The following STARD13 variants were observed in gnomAD, a reference collection of about 807,000 sequenced individuals.
The protein encoded by STARD13 is StAR related lipid transfer domain containing 13.
Under a neutral mutation model 106.4 loss-of-function variants are expected in STARD13, and 62 were observed. That is an observed-to-expected ratio of 0.58 (90% CI 0.48 to 0.72). The LOEUF is 0.72. Among genes scored for constraint, STARD13 ranks in the 30% least tolerant of loss-of-function variants. The probability of loss-of-function intolerance (pLI) is 0.00; values close to 1 mark genes in which losing one functional copy is unlikely to be tolerated. For synonymous variants in STARD13, 565 were observed against 553.0 expected, an observed-to-expected ratio of 1.02 and a Z score of -0.31; for missense variants, 1,387 against 1,424.0, an observed-to-expected ratio of 0.97 and a Z score of 0.42.
chr13:33,587,739 T>G, the STARD13 span, among the ~76,000 whole-genome samples: 1 of 152,338 alleles, frequency 6.6e-6, no homozygotes, highest in Admixed American at 6.5e-5. Context: ...TAAATTGTGC[T>G]TCCCAACAAG....
the STARD13 span, among the ~76,000 whole-genome samples, chr13:33,629,856 G>A: frequency 1.4e-4 from 21 of 152,076 alleles, no homozygotes; most frequent in Non-Finnish European, 2.9e-4. Context: ...CACTATCTCC[G>A]GTTGTAAATG....
At chr13:33,360,885 T>C in the STARD13 span, among the ~76,000 whole-genome samples, 1 of 145,646 alleles carries the variant, frequency 6.9e-6, no homozygotes, top group Non-Finnish European at 1.5e-5. Flanking sequence ...AAGCTCCGCC[T>C]CCCAGGTTCA....
chr13:33,294,496 C>T (rs972573305), intron 1 of STARD13, among the ~76,000 whole-genome samples: 21 of 152,294 alleles, frequency 1.4e-4, no homozygotes, highest in South Asian at 6.2e-4. Context: ...ATTTGCTCTT[C>T]GTGGACTCAA....
the STARD13 span, among the ~76,000 whole-genome samples, chr13:33,593,966 A>C: frequency 6.6e-6 from 1 of 151,816 alleles, no homozygotes; most frequent in African/African-American, 2.4e-5. Flanking sequence ...GAGTGCAGTG[A>C]CGCGATCTCG....
chr13:33,487,490 G>T, the STARD13 span, among the ~76,000 whole-genome samples: 1 of 152,076 alleles, frequency 6.6e-6, no homozygotes, highest in African/African-American at 2.4e-5. Context: ...AAAGAAAGGG[G>T]GAAAGTTCAG....
chr13:33,368,057 C>G, the STARD13 span, among the ~76,000 whole-genome samples: 1 of 152,050 alleles, frequency 6.6e-6, no homozygotes, highest in Non-Finnish European at 1.5e-5. Flanking sequence ...CTTATTACTG[C>G]TGTTTGATAC....
chr13:33,391,248 T>C, the STARD13 span, among the ~76,000 whole-genome samples: 2 of 152,172 alleles, frequency 1.3e-5, no homozygotes, highest in Admixed American at 1.3e-4. Flanking sequence ...GAGCCAACGA[T>C]ATTGACAATC....
At chr13:33,656,237 G>A in the STARD13 span, among the ~76,000 whole-genome samples, 1 of 152,138 alleles carries the variant, frequency 6.6e-6, no homozygotes, top group Non-Finnish European at 1.5e-5. Flanking sequence ...ATAGTCATTG[G>A]ACATAGTAGC....
At chr13:33,597,186 T>C in the STARD13 span, among the ~76,000 whole-genome samples, 1 of 152,216 alleles carries the variant, frequency 6.6e-6, no homozygotes, top group Admixed American at 6.5e-5. Flanking sequence ...CTCTGCATCC[T>C]TGTCAGCATT....
the STARD13 span, among the ~76,000 whole-genome samples, chr13:33,447,925 T>C: frequency 2.0e-5 from 3 of 152,176 alleles, no homozygotes; most frequent in Non-Finnish European, 4.4e-5. Flanking sequence ...AATTAACTGA[T>C]TGAGATAATA....
At chr13:33,270,957 C>T (rs934817353) in intron 1 of STARD13, among the ~76,000 whole-genome samples, 1 of 152,208 alleles carries the variant, frequency 6.6e-6, no homozygotes, top group African/African-American at 2.4e-5. Context: ...TCCCTGCACA[C>T]TCCCACAAGC....
the STARD13 span, among the ~76,000 whole-genome samples, chr13:33,370,430 G>A: frequency 6.6e-6 from 1 of 152,076 alleles, no homozygotes; most frequent in South Asian, 2.1e-4. Context: ...AGCTTCAGAA[G>A]AAGAAATACA....
chr13:33,462,926 G>A, the STARD13 span, among the ~76,000 whole-genome samples: 18 of 151,902 alleles, frequency 1.2e-4, no homozygotes, highest in Non-Finnish European at 2.4e-4. Context: ...AGTTGACACC[G>A]GATCACTCAA....
chr13:33,262,884 T>C (rs1291429870), intron 1 of STARD13, among the ~76,000 whole-genome samples: 1 of 152,082 alleles, frequency 6.6e-6, no homozygotes, highest in Non-Finnish European at 1.5e-5. Context: ...GTGTGGTGGA[T>C]GCCCAGAATT....
At chr13:33,490,150 TG>T in the STARD13 span, among the ~76,000 whole-genome samples, 109 of 152,178 alleles carry the variant, frequency 7.2e-4, no homozygotes, top group Non-Finnish European at 1.2e-3. Context: ...TTCAAAAATT[TG>T]TTTTTTTATG....
chr13:33,616,827 A>G, the STARD13 span, among the ~76,000 whole-genome samples: 5 of 152,254 alleles, frequency 3.3e-5, no homozygotes, highest in Non-Finnish European at 7.3e-5. Flanking sequence ...TTGAATCAGA[A>G]TCCATAACAA....
At chr13:33,537,462 CTTAT>C in the STARD13 span, among the ~76,000 whole-genome samples, 3 of 152,206 alleles carry the variant, frequency 2.0e-5, no homozygotes, top group African/African-American at 4.8e-5. Context: ...AAGTAGGTAT[CTTAT>C]TTGACACTTT....
At chr13:33,512,097 A>AT in the STARD13 span, among the ~76,000 whole-genome samples, 2 of 152,200 alleles carry the variant, frequency 1.3e-5, no homozygotes, top group Non-Finnish European at 2.9e-5. Context: ...TGGAGAATGT[A>AT]TTCCAGAAGA....
At chr13:33,509,073 T>G in the STARD13 span, among the ~76,000 whole-genome samples, 1 of 152,210 alleles carries the variant, frequency 6.6e-6, no homozygotes, top group Non-Finnish European at 1.5e-5. Flanking sequence ...ATAGATGCAC[T>G]CTGTTGTTGA....
Sources: gnomAD v4.1 joint callset for allele counts (sites outside exome capture counted in the v4.1 genomes callset) on GRCh38, gnomAD v4.1.1 for gene constraint, MANE v1.5 for transcripts, NCBI Gene and HGNC (gene_info 2026-07-23, HGNC 2026-07-21) for gene names.